The following PPP6R3 variants were observed in gnomAD, a reference collection of about 807,000 sequenced individuals.
PPP6R3 encodes the protein serine/threonine-protein phosphatase 6 regulatory subunit 3.
A neutral mutation model predicts 110.7 loss-of-function variants in PPP6R3; 38 were observed. The observed-to-expected ratio is 0.34, with a 90% CI of 0.26 to 0.45. PPP6R3 has a LOEUF of 0.45. Among genes scored for constraint, PPP6R3 ranks in the 20% least tolerant of loss-of-function variants. The pLI, the probability that PPP6R3 is intolerant of heterozygous loss-of-function variation, is 1.00. For synonymous variants in PPP6R3, 369 were observed against 373.5 expected, an observed-to-expected ratio of 0.99 and a Z score of 0.14; for missense variants, 870 against 1,062.4, an observed-to-expected ratio of 0.82 and a Z score of 2.52.
chr11:68,549,225 A>G (rs895960811), intron 5 of PPP6R3, among the ~76,000 whole-genome samples: 1 of 152,240 alleles, frequency 6.6e-6, no homozygotes, highest in African/African-American at 2.4e-5. Flanking sequence ...GAAGCTTTGC[A>G]GAACCATGCT....
rs1944810996 is a variant in PPP6R3 at position 68,614,450 on chromosome 11, T to G, written c.*1333T>G. The G allele has an allele frequency of 1.5e-6, 2 of 1,354,612 alleles. No individual in the cohort carries two copies. The highest frequency in any genetic ancestry group is 1.9e-6 in the Non-Finnish European group (2 of 1,057,702). 83.9% of individuals were successfully genotyped at this position (1,354,612 alleles called of 1,614,324 possible). A position where few individuals can be genotyped will look rare whatever the true frequency, so the allele number is the denominator to read the frequency against. On this transcript the variant is annotated 3_prime_UTR_variant, in exon 24 of 24. Coordinates refer to ENST00000393800, the MANE Select transcript of PPP6R3 (RefSeq NM_001164161.2). ...TCTGTAATAGAAAATTATTCACGTA[T>G]TTTTACATCATTTGTTTTTCCTGAC...
chr11:68,613,190 G>A lies in PPP6R3; in HGVS notation c.*73G>A, dbSNP rs1944434708. 3.1e-6 allele frequency: 5 copies of A among 1,595,112 alleles called. No individual in the cohort carries two copies. On this transcript the variant is annotated 3_prime_UTR_variant, in exon 24 of 24. Coordinates refer to ENST00000393800, the MANE Select transcript of PPP6R3 (RefSeq NM_001164161.2). ...TCAGGGGCTCTGGAGGGGTCAGCTG[G>A]AGCCCACCAAGCTGTCACTGCTGCA...
At chr11:68,476,410 G>A (rs2098832753) in intron 1 of PPP6R3, among the ~76,000 whole-genome samples, 1 of 139,252 alleles carries the variant, frequency 7.2e-6, no homozygotes, top group South Asian at 2.6e-4. Context: ...CGAGATGGCA[G>A]CAGTACAGTC....
At chr11:68,584,016 C>G (rs1459994148) in intron 15 of PPP6R3, among the ~76,000 whole-genome samples, 1 of 152,146 alleles carries the variant, frequency 6.6e-6, no homozygotes, top group African/African-American at 2.4e-5. Flanking sequence ...CTGTCATATT[C>G]CAGTATTGGT....
At chr11:68,588,737 G>A (rs545041825) in intron 16 of PPP6R3, among the ~76,000 whole-genome samples, 166 of 147,834 alleles carry the variant, frequency 1.1e-3, no homozygotes, top group African/African-American at 3.8e-3. Flanking sequence ...GAGTCACTGC[G>A]CCTGGCCAAG....
intron 1 of PPP6R3, among the ~76,000 whole-genome samples, chr11:68,479,309 G>A (rs562486917): frequency 9.3e-4 from 142 of 152,284 alleles, no homozygotes; most frequent in African/African-American, 3.0e-3. Flanking sequence ...CCTTGGAGAC[G>A]CGGAATAAAC....
intron 2 of PPP6R3, among the ~76,000 whole-genome samples, chr11:68,531,600 A>AT (rs2099241075): frequency 6.6e-6 from 1 of 152,116 alleles, no homozygotes; most frequent in Non-Finnish European, 1.5e-5. Context: ...CCAAGACTGC[A>AT]TTTTGACAAG....
At chr11:68,482,286 C>T (rs777033205) in intron 1 of PPP6R3, among the ~76,000 whole-genome samples, 27 of 149,726 alleles carry the variant, frequency 1.8e-4, no homozygotes, top group Non-Finnish European at 3.4e-4. Context: ...TGGTGGCGGG[C>T]GCCTGTAATC....
intron 1 of PPP6R3, among the ~76,000 whole-genome samples, chr11:68,490,687 C>T: frequency 6.7e-6 from 1 of 150,330 alleles, no homozygotes; most frequent in Non-Finnish European, 1.5e-5. Context: ...TTTCTATTGT[C>T]ATATCCTAAT....
intron 4 of PPP6R3, 81 bp downstream of exon 4, chr11:68,545,105 G>A: frequency 8.7e-7 from 1 of 1,153,234 alleles, no homozygotes; most frequent in Admixed American, 2.5e-5. Context: ...TGCTTTAAGA[G>A]TTCTAACTTT....
intron 1 of PPP6R3, among the ~76,000 whole-genome samples, chr11:68,510,125 C>CT (rs1039702059): frequency 7.7e-6 from 1 of 129,640 alleles, no homozygotes; most frequent in Non-Finnish European, 1.5e-5. Context: ...ATGGTGTCCT[C>CT]TAACTCCTGA....
At chr11:68,501,106 C>T (rs1183974124) in intron 1 of PPP6R3, among the ~76,000 whole-genome samples, 1 of 152,172 alleles carries the variant, frequency 6.6e-6, no homozygotes, top group Non-Finnish European at 1.5e-5. Context: ...CTTGTTTTCT[C>T]CTCGTGCTGT....
chr11:68,573,912 C>A (rs1489342315), intron 12 of PPP6R3, among the ~76,000 whole-genome samples, 197 bp from the exon 13 acceptor site: 3 of 152,218 alleles, frequency 2.0e-5, no homozygotes, highest in Non-Finnish European at 4.4e-5. Flanking sequence ...CAATTTCACA[C>A]CCCTCCCTGA....
chr11:68,505,426 A>G (rs1036925031), intron 1 of PPP6R3, among the ~76,000 whole-genome samples: 4 of 152,220 alleles, frequency 2.6e-5, no homozygotes, highest in Non-Finnish European at 5.9e-5. Flanking sequence ...TTATTCATCT[A>G]AGATTACAGG....
At chr11:68,546,216 T>A (rs1306730254) in intron 4 of PPP6R3, among the ~76,000 whole-genome samples, 1 of 152,170 alleles carries the variant, frequency 6.6e-6, no homozygotes, top group Non-Finnish European at 1.5e-5. Flanking sequence ...AGATTGTCTC[T>A]TTTTTTCTGC....
intron 1 of PPP6R3, among the ~76,000 whole-genome samples, chr11:68,481,247 G>A (rs1168038598): frequency 6.6e-6 from 1 of 152,194 alleles, no homozygotes; most frequent in East Asian, 1.9e-4. Flanking sequence ...ATAGGCTGGG[G>A]CTAGTACTGG....
chr11:68,591,951 G>C (rs576532614), intron 18 of PPP6R3, among the ~76,000 whole-genome samples: 1 of 152,296 alleles, frequency 6.6e-6, no homozygotes, highest in East Asian at 1.9e-4. Flanking sequence ...GTCTTCCAAA[G>C]GGGAAATGTT....
At chr11:68,580,660 T>G (rs2099549876) in intron 14 of PPP6R3, among the ~76,000 whole-genome samples, 1 of 151,208 alleles carries the variant, frequency 6.6e-6, no homozygotes, top group Non-Finnish European at 1.5e-5. Context: ...TGTTTGGAAG[T>G]GTAGATCAGG....
intron 1 of PPP6R3, among the ~76,000 whole-genome samples, chr11:68,515,632 C>T (rs1011355197): frequency 3.3e-5 from 5 of 152,156 alleles, no homozygotes; most frequent in South Asian, 4.1e-4. Context: ...TTGTGTCTTT[C>T]GAGATTATGA....
Sources: allele counts gnomAD v4.1 joint callset (sites outside exome capture counted in the v4.1 genomes callset), GRCh38; gene constraint gnomAD v4.1.1; transcripts MANE v1.5; gene names NCBI Gene and HGNC (gene_info 2026-07-23, HGNC 2026-07-21).